Variants in ADGRG6 observed in about 807,000 individuals in gnomAD.
The protein encoded by ADGRG6 is G-protein coupled receptor 126.
A neutral mutation model predicts 142.4 loss-of-function variants in ADGRG6; 84 were observed. That is an observed-to-expected ratio of 0.59 (90% CI 0.49 to 0.71). The LOEUF is 0.71. Ranked by LOEUF, ADGRG6 falls within the 30% of genes least tolerant of loss-of-function variation. The pLI, the probability that ADGRG6 is intolerant of heterozygous loss-of-function variation, is 0.00. For synonymous variants in ADGRG6, 521 were observed against 520.5 expected (o/e 1.00, Z -0.01); for missense variants, 1,367 against 1,466.6 (o/e 0.93, Z 1.11).
At chr6:142,373,881 C>CTTTTTTTTTTTTTTTTTT (rs769498618) in intron 4 of ADGRG6, among the ~76,000 whole-genome samples, 2 of 93,870 alleles carry the variant, frequency 2.1e-5, no homozygotes, top group South Asian at 3.6e-4. Flanking sequence ...TTTTTCTTTT[C>CTTTTTTTTTTTTTTTTTT]TTTTTTTTTT....
intron 2 of ADGRG6, among the ~76,000 whole-genome samples, chr6:142,360,116 AT>A (rs1780644264): frequency 6.6e-6 from 1 of 152,208 alleles, no homozygotes; most frequent in South Asian, 2.1e-4. Context: ...ATTATTTGAG[AT>A]GGTGTGGGAG....
chr6:142,331,092 G>A (rs1294376412), intron 2 of ADGRG6, among the ~76,000 whole-genome samples: 1 of 151,460 alleles, frequency 6.6e-6, no homozygotes, highest in African/African-American at 2.4e-5. Flanking sequence ...ATGGCTGTAT[G>A]TGACATGGAC....
chr6:142,317,190 C>T (rs982741068), intron 2 of ADGRG6, among the ~76,000 whole-genome samples: 1 of 152,098 alleles, frequency 6.6e-6, no homozygotes, highest in Non-Finnish European at 1.5e-5. Flanking sequence ...CTTATTACTT[C>T]TCATCATCTG....
Position 142,419,889 on chromosome 6 carries a change from T to G in ADGRG6, c.3104T>G (p.Leu1035Arg). 1 of 1,613,230 alleles carries G rather than the reference T, an allele frequency of 6.2e-7. No homozygotes were observed. The highest frequency in any genetic ancestry group is 8.5e-7 in the Non-Finnish European group (1 of 1,179,294). Residue 1035 changes from leucine to arginine, a missense_variant, in exon 22 of 25, where the codon CTG becomes CGG. Coordinates refer to ENST00000367609, the MANE Select transcript of ADGRG6 (RefSeq NM_198569.3). ...GGGTATTTTGGAGTCATGTTTTTTC[T>G]GAACATTGCCATGTTCATTGTGGTA... is the stretch of plus-strand genomic sequence containing the variant. ...CAGYFGVMFF[L>R]NIAMFIVVMV...
intron 4 of ADGRG6, among the ~76,000 whole-genome samples, chr6:142,373,851 T>G (rs536338281): frequency 6.6e-6 from 1 of 152,050 alleles, no homozygotes; most frequent in Admixed American, 6.6e-5. Context: ...GCACACATGT[T>G]TTTTTAATAC....
At chr6:142,310,668 G>A (rs1275318797) in intron 2 of ADGRG6, among the ~76,000 whole-genome samples, 1 of 151,810 alleles carries the variant, frequency 6.6e-6, no homozygotes, top group Admixed American at 6.6e-5. Flanking sequence ...TGTTTTAAGA[G>A]TTTCAGTTAT....
intron 1 of ADGRG6, among the ~76,000 whole-genome samples, chr6:142,303,773 G>A (rs910166483): frequency 3.3e-5 from 5 of 151,988 alleles, no homozygotes; most frequent in African/African-American, 9.7e-5. Context: ...GAGAAAAAAA[G>A]CATATTACAC....
chr6:142,406,566 C>T lies in ADGRG6; in HGVS notation c.2268+738C>T, dbSNP rs142055487. ...CAGAGAATTGTTTCTAATAGATCTG[C>T]CTTTATATGTCATGTGTAGAGGAGC... On this transcript the variant is annotated intron_variant, in intron 15 of 24. Transcript: ENST00000367609. 2.3e-4 allele frequency among the ~76,000 whole-genome samples: 35 copies of T among 152,164 alleles called. No homozygotes were observed. In the East Asian group the frequency reaches 6.6e-3, roughly 29 times the overall value.
At chr6:142,401,409 G>T (rs1482012832) in intron 11 of ADGRG6, among the ~76,000 whole-genome samples, 2 of 152,164 alleles carry the variant, frequency 1.3e-5, no homozygotes, top group African/African-American at 4.8e-5. Context: ...GATTTTACCT[G>T]TAAAGTTCTT....
intron 22 of ADGRG6, among the ~76,000 whole-genome samples, chr6:142,424,779 G>T (rs1203989826): frequency 6.6e-6 from 1 of 151,958 alleles, no homozygotes; most frequent in Non-Finnish European, 1.5e-5. Flanking sequence ...TCATGATGTG[G>T]TCCCTCTGCC....
intron 6 of ADGRG6, among the ~76,000 whole-genome samples, chr6:142,384,548 A>G (rs571782258): frequency 2.6e-5 from 4 of 152,324 alleles, no homozygotes; most frequent in East Asian, 3.9e-4. Flanking sequence ...AACGACATAC[A>G]TGGCCTTTCA....
intron 2 of ADGRG6, among the ~76,000 whole-genome samples, chr6:142,317,952 A>ATTATATATTTATATATT (rs1778216403): frequency 1.5e-5 from 1 of 68,360 alleles, no homozygotes; most frequent in East Asian, 4.3e-4. Flanking sequence ...ATATATTTAT[A>ATTATATATTTATATATT]TTATATATTT....
chr6:142,387,594 T>C (rs1782094627), intron 6 of ADGRG6, among the ~76,000 whole-genome samples: 1 of 152,182 alleles, frequency 6.6e-6, no homozygotes, highest in Non-Finnish European at 1.5e-5. Context: ...GATTAGCATT[T>C]GGTTTATATT....
chr6:142,302,750 GCC>G (rs1339676310), intron 1 of ADGRG6: 1 of 203,318 alleles, frequency 4.9e-6, no homozygotes, highest in Non-Finnish European at 9.8e-6. Flanking sequence ...GTACTAGTAT[GCC>G]GAGAAAATGT....
At chr6:142,341,560 ACT>A (rs1779643638) in intron 2 of ADGRG6, among the ~76,000 whole-genome samples, 2 of 121,934 alleles carry the variant, frequency 1.6e-5, no homozygotes, top group African/African-American at 6.4e-5. Flanking sequence ...TAGTATATAT[ACT>A]ATATAATATT....
At chr6:142,427,545 C>A (rs1316482431) in intron 22 of ADGRG6, among the ~76,000 whole-genome samples, 1 of 152,166 alleles carries the variant, frequency 6.6e-6, no homozygotes. Context: ...CCAAACTGTT[C>A]CAACCTCTGT....
intron 2 of ADGRG6, among the ~76,000 whole-genome samples, chr6:142,338,734 A>T (rs1000275250): frequency 6.6e-6 from 1 of 152,054 alleles, no homozygotes; most frequent in Non-Finnish European, 1.5e-5. Context: ...ATAATCCTGT[A>T]ATCTAAAAGA....
At chr6:142,369,355 C>T (rs1278699917) in intron 3 of ADGRG6, among the ~76,000 whole-genome samples, 5 of 152,310 alleles carry the variant, frequency 3.3e-5, no homozygotes, top group East Asian at 3.9e-4. Flanking sequence ...ACTGGCACTG[C>T]TCTGTGCCTT....
chr6:142,310,705 T>G (rs1240985850), intron 2 of ADGRG6, among the ~76,000 whole-genome samples: 1 of 151,914 alleles, frequency 6.6e-6, no homozygotes, highest in Non-Finnish European at 1.5e-5. Flanking sequence ...TGGCACTTAT[T>G]TAATGGCTTC....
Sources: allele counts gnomAD v4.1 joint callset (sites outside exome capture counted in the v4.1 genomes callset), GRCh38; gene constraint gnomAD v4.1.1; transcripts MANE v1.5; gene names NCBI Gene and HGNC (gene_info 2026-07-23, HGNC 2026-07-21).